CLOCK: variants seen among roughly 807,000 people sequenced by gnomAD.
The protein encoded by CLOCK is circadian locomoter output cycles protein kaput.
CLOCK carries 43 observed loss-of-function variants against 118.4 expected under a neutral mutation model. The observed-to-expected ratio is 0.36, with a 90% confidence interval of 0.28 to 0.47. CLOCK has a LOEUF of 0.47. CLOCK is among the 20% of genes least tolerant of loss of function. CLOCK has a pLI of 1.00. For missense variants in CLOCK, 846 were observed against 999.9 expected (o/e 0.85, Z 2.08); for synonymous variants, 326 against 339.2 (o/e 0.96, Z 0.43).
intron 1 of CLOCK, among the ~76,000 whole-genome samples, chr4:55,530,159 A>C (rs1730444179): frequency 6.6e-6 from 1 of 152,196 alleles, no homozygotes. Flanking sequence ...AGAATAACAA[A>C]AACAATTCAT....
rs565899245 is a variant in CLOCK at position 55,544,685 on chromosome 4, G to A, written c.-290+2097C>T. ...ATCACACAAATTATTTGGGGGAGGA[G>A]GATTTTTGTTTAATCCAGTTTATGA... On this transcript the variant is annotated intron_variant, in intron 1 of 22. Coordinates refer to ENST00000513440, the MANE Select transcript of CLOCK (RefSeq NM_004898.4). Among the ~76,000 whole-genome samples, 20 of 152,142 alleles carry A rather than the reference G, an allele frequency of 1.3e-4. No homozygotes were observed. The South Asian group carries it at 4.2e-3, about 32-fold the overall frequency.
At chr4:55,500,585 A>G (rs933878109) in intron 2 of CLOCK, among the ~76,000 whole-genome samples, 3 of 152,128 alleles carry the variant, frequency 2.0e-5, no homozygotes. Flanking sequence ...TCCTGGGCTC[A>G]AGCAATCCTC....
chr4:55,515,502 T>G (rs1402843680), intron 1 of CLOCK, among the ~76,000 whole-genome samples: 4 of 151,976 alleles, frequency 2.6e-5, no homozygotes, highest in African/African-American at 9.7e-5. Context: ...AGCCTCCCAA[T>G]TAGCTGGGAC....
rs1024875173 is a variant in CLOCK, at chr4:55,509,966, A to C, written c.-190T>G. 6.6e-6 allele frequency: 1 copy of C among 152,224 alleles called. No homozygotes were observed. The highest frequency in any genetic ancestry group is 6.5e-5 in the Admixed American group (1 of 15,278). The allele number at this position is 152,224 out of a possible 1,614,324, so 9.4% of individuals were successfully genotyped here. A position where few individuals can be genotyped will look rare whatever the true frequency, so the allele number is the denominator to read the frequency against. ...TCTAGTGAGACTTGCCAAGTTCTAA[A>C]GATTCATTTAAGAGGACTGTAGAAT... On this transcript the variant is annotated 5_prime_UTR_variant, in exon 2 of 23. Transcript: ENST00000513440.
rs767123647 is a variant in CLOCK at position 55,514,342 on chromosome 4, T to A, written c.-289-4277A>T. Among the ~76,000 whole-genome samples the A allele has an allele frequency of 5.9e-5, 9 of 152,282 alleles. 1 individual carries two copies. In the South Asian group the frequency reaches 1.9e-3, roughly 32 times the overall value. On this transcript the variant is annotated intron_variant, in intron 1 of 22. Transcript: ENST00000513440. ...GCTCTTTACTGCATTTAGGCTGTTATGTCCCCTTACCTCTTTTGAAAAAAT... is the reference window on the plus strand; with the variant it reads ...GCTCTTTACTGCATTTAGGCTGTTAAGTCCCCTTACCTCTTTTGAAAAAAT...
intron 13 of CLOCK, among the ~76,000 whole-genome samples, chr4:55,455,150 G>A (rs7676245): frequency 0.25 from 37,434 of 151,962 alleles, 4,944 homozygotes; most frequent in South Asian, 0.37. Flanking sequence ...GAACACTCAA[G>A]ATGGTAAGCA....
At chr4:55,533,255 T>A (rs1485831139) in intron 1 of CLOCK, among the ~76,000 whole-genome samples, 1 of 152,096 alleles carries the variant, frequency 6.6e-6, no homozygotes, top group African/African-American at 2.4e-5. Context: ...ATCAAGACAG[T>A]GTGGTACTGA....
intron 2 of CLOCK, among the ~76,000 whole-genome samples, chr4:55,490,152 GA>G (rs2109944742): frequency 1.3e-5 from 2 of 151,252 alleles, no homozygotes; most frequent in African/African-American, 4.8e-5. Flanking sequence ...TCAGATTTAA[GA>G]ACAGAAGCTG....
At chr4:55,481,510 G>A (rs146861335) in intron 4 of CLOCK, among the ~76,000 whole-genome samples, 108 of 152,248 alleles carry the variant, frequency 7.1e-4, no homozygotes, top group African/African-American at 2.5e-3. Context: ...CATTAATTCC[G>A]CCTGTAACTA....
At chr4:55,460,831 C>T (rs1267112228) in intron 9 of CLOCK, among the ~76,000 whole-genome samples, 4 of 152,168 alleles carry the variant, frequency 2.6e-5, no homozygotes, top group African/African-American at 7.2e-5. Context: ...CTATCTTCAA[C>T]CTTCCCCACT....
At chr4:55,463,580 G>A (rs1052860809) in intron 9 of CLOCK, 105 bp downstream of exon 9, 2 of 1,066,376 alleles carry the variant, frequency 1.9e-6, no homozygotes, top group Non-Finnish European at 2.9e-6. Flanking sequence ...TAGGGCATAT[G>A]GAGTAATGCT....
At chr4:55,471,374 AC>A (rs1726135260) in intron 7 of CLOCK, among the ~76,000 whole-genome samples, 1 of 152,200 alleles carries the variant, frequency 6.6e-6, no homozygotes, top group South Asian at 2.1e-4. Flanking sequence ...TGGTAAGCCA[AC>A]AGAAGATTTT....
At chr4:55,464,308 C>T (rs556435178) in intron 8 of CLOCK, among the ~76,000 whole-genome samples, 1 of 152,136 alleles carries the variant, frequency 6.6e-6, no homozygotes, top group South Asian at 2.1e-4. Context: ...TAGTTATCCC[C>T]CCTCAAAAGG....
At position 55,435,471 on chromosome 4, in the gene CLOCK, G is replaced by A. The variant is rs1213885514; in HGVS notation, c.2485C>T (p.Leu829Phe). ...QQHQSQQQQQLSRHRTDSLPD... is the reference protein window; with the variant it reads ...QQHQSQQQQQFSRHRTDSLPD... ...AAGCTGTCAGTCCTGTGCCGGCTGA[G>A]TTGCTGCTGTTGCTGAGACTGATGT... The change falls in exon 23 of 23, where the codon CTC (leucine) becomes TTC (phenylalanine). Residue 829 changes from leucine (L) to phenylalanine (F), a missense_variant. Physicochemically the swap from Leu to Phe is conservative, Grantham distance 22 (BLOSUM62 0). Coordinates refer to ENST00000513440, the MANE Select transcript of CLOCK (RefSeq NM_004898.4). 6.2e-7 allele frequency: 1 copy of A among 1,614,058 alleles called. No homozygotes were observed. Among genetic ancestry groups the A allele is most frequent in the South Asian group, 1.1e-5 (1 of 91,086 alleles).
chr4:55,544,597 T>TA (rs1382761861), intron 1 of CLOCK, among the ~76,000 whole-genome samples: 1 of 152,176 alleles, frequency 6.6e-6, no homozygotes, highest in African/African-American at 2.4e-5. Context: ...TTGATTTTCC[T>TA]AAAAAATATG....
At chr4:55,518,338 C>G (rs973656771) in intron 1 of CLOCK, among the ~76,000 whole-genome samples, 13 of 152,066 alleles carry the variant, frequency 8.5e-5, no homozygotes, top group African/African-American at 3.1e-4. Context: ...TTTATCTGAC[C>G]AGTGCTAAAG....
At chr4:55,492,280 A>G (rs2109954990) in intron 2 of CLOCK, among the ~76,000 whole-genome samples, 1 of 152,004 alleles carries the variant, frequency 6.6e-6, no homozygotes, top group East Asian at 1.9e-4. Context: ...CATCAACAAA[A>G]CCAAGGATAA....
intron 2 of CLOCK, among the ~76,000 whole-genome samples, chr4:55,502,884 A>C (rs969033806): frequency 5.3e-5 from 8 of 152,222 alleles, no homozygotes; most frequent in African/African-American, 1.9e-4. Context: ...AATGGTCAAC[A>C]GGCATTTGAA....
intron 1 of CLOCK, among the ~76,000 whole-genome samples, chr4:55,523,692 T>A (rs545020303): frequency 6.6e-6 from 1 of 152,270 alleles, no homozygotes; most frequent in African/African-American, 2.4e-5. Flanking sequence ...TCCAGATACA[T>A]CTCCACATAC....
Sources: gnomAD v4.1 joint callset for allele counts (sites outside exome capture counted in the v4.1 genomes callset) on GRCh38, gnomAD v4.1.1 for gene constraint, MANE v1.5 for transcripts, NCBI Gene and HGNC (gene_info 2026-07-23, HGNC 2026-07-21) for gene names.